MYO1B: variants seen among roughly 807,000 people sequenced by gnomAD.
The protein encoded by MYO1B is unconventional myosin-Ib.
Under a neutral mutation model 159.7 loss-of-function variants are expected in MYO1B, and 72 were observed. The ratio of observed to expected loss-of-function variants is 0.45; its 90% CI spans 0.37 to 0.55. The LOEUF (loss-of-function observed/expected upper bound fraction) is 0.55, where lower values mean the gene tolerates loss of function less well. MYO1B is among the 20% of genes least tolerant of loss of function. The pLI is 0.00. For missense variants in MYO1B, 1,062 were observed against 1,364.8 expected (o/e 0.78, Z 3.50); for synonymous variants, 468 against 473.8 (o/e 0.99, Z 0.16).
chr2:191,420,704 G>A lies in MYO1B; in HGVS notation c.3288-3133G>A, dbSNP rs139123573. Among the ~76,000 whole-genome samples, 500 of 152,196 alleles carry A rather than the reference G, an allele frequency of 3.3e-3. 2 individuals carry two copies. The highest frequency in any genetic ancestry group is 0.012 in the African/African-American group (479 of 41,528). On this transcript the variant is annotated intron_variant, in intron 30 of 30. Coordinates refer to ENST00000392318, the MANE Select transcript of MYO1B (RefSeq NM_001130158.3). ...ATAGAGTAAAAACTAAAGTGAATTT[G>A]TTTCATTAAACATTTTAAATATATG...
At chr2:191,356,956 G>A (rs1693332616) in intron 7 of MYO1B, among the ~76,000 whole-genome samples, 1 of 152,192 alleles carries the variant, frequency 6.6e-6, no homozygotes, top group South Asian at 2.1e-4. Context: ...CAGTCAGTTT[G>A]AGTGATAGCC....
intron 3 of MYO1B, among the ~76,000 whole-genome samples, chr2:191,317,112 G>C (rs559149275): frequency 6.6e-6 from 1 of 152,202 alleles, no homozygotes. Context: ...AGCAAGCCAT[G>C]ATGGAGGGAG....
chr2:191,305,984 A>G (rs1157998057), intron 3 of MYO1B, among the ~76,000 whole-genome samples: 1 of 152,194 alleles, frequency 6.6e-6, no homozygotes, highest in African/African-American at 2.4e-5. Context: ...TGAGCCATGT[A>G]CTAGTGTACC....
chr2:191,383,710 C>T (rs991557792), intron 15 of MYO1B, among the ~76,000 whole-genome samples: 1 of 151,762 alleles, frequency 6.6e-6, no homozygotes, highest in African/African-American at 2.4e-5. Context: ...CCTTCAGACA[C>T]CAGGCCTTAA....
intron 1 of MYO1B, among the ~76,000 whole-genome samples, chr2:191,265,940 G>T (rs1687114932): frequency 6.6e-6 from 1 of 152,042 alleles, no homozygotes. Flanking sequence ...ACCTTCTAGG[G>T]TTGTGGCAGG....
intron 9 of MYO1B, among the ~76,000 whole-genome samples, chr2:191,363,297 G>A (rs1299875093): frequency 6.6e-6 from 1 of 152,126 alleles, no homozygotes; most frequent in Admixed American, 6.5e-5. Context: ...GATGCCTCCT[G>A]TTACCCAGTA....
chr2:191,255,340 G>A (rs1686373455), intron 1 of MYO1B, among the ~76,000 whole-genome samples: 1 of 152,214 alleles, frequency 6.6e-6, no homozygotes, highest in African/African-American at 2.4e-5. Context: ...TCGTGGATTA[G>A]CATCGATACT....
At chr2:191,400,520 A>AAT in intron 22 of MYO1B, 52 bp downstream of exon 22, 3 of 1,584,728 alleles carry the variant, frequency 1.9e-6, no homozygotes, top group Non-Finnish European at 2.6e-6. Flanking sequence ...CGTCATGTGG[A>AAT]ACCATGAACC....
chr2:191,399,555 C>A (rs1224436596), intron 21 of MYO1B, among the ~76,000 whole-genome samples: 2 of 152,182 alleles, frequency 1.3e-5, no homozygotes, highest in Admixed American at 6.5e-5. Flanking sequence ...AACGATACTT[C>A]AGAGCCTGTT....
chr2:191,320,323 A>T (rs1448168663), intron 3 of MYO1B, among the ~76,000 whole-genome samples: 1 of 152,148 alleles, frequency 6.6e-6, no homozygotes, highest in East Asian at 1.9e-4. Flanking sequence ...TAAAATGTTT[A>T]TTGAATTAAG....
Position 191,364,183 on chromosome 2 carries a change from C to T in MYO1B, c.939C>T (p.Thr313=), listed in dbSNP as rs376505594. ...KNELKEICEL[T]GIDQSVLERA... The stretch of plus-strand genomic sequence containing the variant: ...AGTTAAAAGAAATTTGTGAATTGAC[C>T]GGCATTGATCAATCAGTTCTAGAAC... The change falls in exon 11 of 31, where the codon ACC becomes ACT. Residue 313 remains threonine, a synonymous_variant. Coordinates refer to ENST00000392318, the MANE Select transcript of MYO1B (RefSeq NM_001130158.3). 83 of 1,613,686 alleles carry T rather than the reference C, an allele frequency of 5.1e-5. No homozygotes were observed. Among genetic ancestry groups the T allele is most frequent in the African/African-American group, 1.6e-4 (12 of 74,856 alleles).
At chr2:191,364,396 T>C (rs1693865037) in intron 11 of MYO1B, 120 bp downstream of exon 11, 1 of 768,192 alleles carries the variant, frequency 1.3e-6, no homozygotes, top group Non-Finnish European at 2.2e-6. Context: ...GTTCTAGGCA[T>C]TGGGAACAGA....
intron 21 of MYO1B, among the ~76,000 whole-genome samples, chr2:191,399,230 T>C (rs1284874541): frequency 6.6e-6 from 1 of 151,496 alleles, no homozygotes; most frequent in Non-Finnish European, 1.5e-5. Flanking sequence ...CATCCAGCTT[T>C]GGCTCGGCAT....
intron 2 of MYO1B, among the ~76,000 whole-genome samples, chr2:191,281,989 A>G (rs1208018046): frequency 1.3e-5 from 2 of 152,212 alleles, no homozygotes; most frequent in African/African-American, 4.8e-5. Context: ...TCCCAGGATG[A>G]GATTAGATAC....
chr2:191,423,741 G>T, intron 30 of MYO1B, 96 bp from the exon 31 acceptor site: 1 of 1,371,802 alleles, frequency 7.3e-7, no homozygotes, highest in African/African-American at 1.4e-5. Flanking sequence ...GCCTGTACTC[G>T]TCAAGATCAG....
At chr2:191,253,782 T>C (rs1311634560) in intron 1 of MYO1B, among the ~76,000 whole-genome samples, 2 of 152,192 alleles carry the variant, frequency 1.3e-5, no homozygotes, top group African/African-American at 4.8e-5. Context: ...GTGGGGCTTT[T>C]TTCTTTAATT....
intron 15 of MYO1B, 76 bp from the exon 16 acceptor site, chr2:191,385,808 G>A: frequency 7.0e-7 from 1 of 1,419,026 alleles, no homozygotes; most frequent in Non-Finnish European, 9.7e-7. Context: ...GATTGTGTTT[G>A]ATGGTGTAAT....
intron 3 of MYO1B, among the ~76,000 whole-genome samples, chr2:191,300,634 G>A (rs62179659): frequency 5.6e-4 from 5 of 8,886 alleles, no homozygotes; most frequent in Admixed American, 1.1e-3. Flanking sequence ...GACACTGTGC[G>A]CAGCCTTTTT....
At chr2:191,409,245 A>T in intron 26 of MYO1B, 67 bp downstream of exon 26, 2 of 1,507,660 alleles carry the variant, frequency 1.3e-6, no homozygotes, top group Non-Finnish European at 1.8e-6. Context: ...AAAAACACAT[A>T]AAATCAAAAC....
Sources: gnomAD v4.1 joint callset for allele counts (sites outside exome capture counted in the v4.1 genomes callset) on GRCh38, gnomAD v4.1.1 for gene constraint, MANE v1.5 for transcripts, NCBI Gene and HGNC (gene_info 2026-07-23, HGNC 2026-07-21) for gene names.